POLR3C: variants seen among roughly 807,000 people sequenced by gnomAD.
POLR3C encodes RNA polymerase III subunit C.
In POLR3C, 44 loss-of-function variants were observed where a neutral mutation model predicts 65.9. That is an observed-to-expected ratio of 0.67 (90% CI 0.52 to 0.86). The LOEUF (loss-of-function observed/expected upper bound fraction) is 0.86, where lower values mean the gene tolerates loss of function less well. Ranked by LOEUF, POLR3C falls within the 40% of genes least tolerant of loss-of-function variation. The pLI, the probability that POLR3C is intolerant of heterozygous loss-of-function variation, is 0.00. For missense variants in POLR3C, 576 were observed against 653.2 expected, an observed-to-expected ratio of 0.88 and a Z score of 1.29; for synonymous variants, 263 against 231.6, an observed-to-expected ratio of 1.14 and a Z score of -1.23.
chr1:145,826,487 A>T lies in POLR3C; in HGVS notation c.181A>T (p.Asn61Tyr). ...KKALCVLVQH[N>Y]LVSYQVHKRG... ...AGCCCTGTGTGTCCTCGTCCAACATAACCTGGTGAGTTATCAAGTGCACAA... is the reference window on the plus strand; with the variant it reads ...AGCCCTGTGTGTCCTCGTCCAACATTACCTGGTGAGTTATCAAGTGCACAA... The change falls in exon 3 of 15, where the codon AAC becomes TAC. Residue 61 changes from asparagine (N) to tyrosine (Y), a missense_variant. Asn to Tyr is a moderately radical substitution (Grantham distance 143). Transcript: ENST00000334163. The T allele has an allele frequency of 6.2e-7, 1 of 1,613,688 alleles. No individual in the cohort carries two copies. The highest frequency in any genetic ancestry group is 1.1e-5 in the South Asian group (1 of 91,074).
At position 145,826,983 on chromosome 1, in the gene POLR3C, G is replaced by T; in HGVS notation, c.567G>T (p.Leu189=). 6.2e-7 allele frequency: 1 copy of T among 1,610,692 alleles called. No homozygotes were observed. Among genetic ancestry groups the T allele is most frequent in the South Asian group, 1.1e-5 (1 of 90,300 alleles). ...TCATTAATGAAAAGGACATGTACCT[G>T]GTTCCTAAACTCAGCTTGATAGGTA... ...TLVINEKDMY[L]VPKLSLIGKG... The change falls in exon 4 of 15, where the codon CTG becomes CTT. Residue 189 remains leucine (L), a synonymous_variant. Transcript: ENST00000334163.
At chr1:145,837,965 A>G in intron 10 of POLR3C, 91 bp from the exon 11 acceptor site, 1 of 1,175,990 alleles carries the variant, frequency 8.5e-7, no homozygotes, top group Non-Finnish European at 1.2e-6. Flanking sequence ...TACTGGCTTC[A>G]CACATGGAAT....
intron 10 of POLR3C, 82 bp downstream of exon 10, chr1:145,837,678 T>A (rs1651965612): frequency 3.3e-6 from 3 of 909,200 alleles, no homozygotes; most frequent in Non-Finnish European, 5.5e-6. Context: ...AAGCCACCAA[T>A]ATAACCACAC....
intron 9 of POLR3C, 23 bp downstream of exon 9, chr1:145,836,889 T>C (rs1553728902): frequency 7.1e-7 from 1 of 1,415,846 alleles, no homozygotes; most frequent in East Asian, 2.3e-5. Flanking sequence ...GTTATTTCCT[T>C]AGAGTCAGGC....
intron 5 of POLR3C, 33 bp from the exon 6 acceptor site, chr1:145,833,227 A>G (rs587629200): frequency 7.7e-7 from 1 of 1,296,616 alleles, no homozygotes; most frequent in South Asian, 1.3e-5. Flanking sequence ...ACTTTACACT[A>G]TAGCTAAATG....
intron 5 of POLR3C, among the ~76,000 whole-genome samples, chr1:145,831,030 T>C (rs781810211): frequency 5.3e-5 from 8 of 150,308 alleles, no homozygotes; most frequent in Non-Finnish European, 1.2e-4. Context: ...GCCCAGGAAG[T>C]CAAGGCTTCA....
At chr1:145,832,315 G>A (rs1651401424) in intron 5 of POLR3C, among the ~76,000 whole-genome samples, 1 of 152,166 alleles carries the variant, frequency 6.6e-6, no homozygotes, top group Non-Finnish European at 1.5e-5. Context: ...AAGCTTGGCT[G>A]TGACACTAAG....
At position 145,824,225 on chromosome 1, in the gene POLR3C, C is replaced by T. The variant is rs587725792; in HGVS notation, c.-165C>T. ...AGAGTGGCACGCGCTTTTTGCTTTT[C>T]CGCGTCTTCTTCGGTGGCGATCCGC... On this transcript the variant is annotated 5_prime_UTR_variant, in exon 1 of 15. Coordinates refer to ENST00000334163, the MANE Select transcript of POLR3C (RefSeq NM_006468.8). 13 of 284,496 alleles carry T rather than the reference C, an allele frequency of 4.6e-5. No homozygotes were observed. The highest frequency in any genetic ancestry group is 4.3e-4 in the South Asian group (12 of 28,134). The allele number at this position is 284,496 out of a possible 1,614,324, so 17.6% of individuals were successfully genotyped here. A position where few individuals can be genotyped will look rare whatever the true frequency, so the allele number is the denominator to read the frequency against.
rs1553725985 is a variant in POLR3C at position 145,826,934 on chromosome 1, C to T, written c.518C>T (p.Pro173Leu). The T allele has an allele frequency of 1.9e-6, 3 of 1,613,226 alleles. No individual in the cohort carries two copies. In the Admixed American group the frequency reaches 5.0e-5, roughly 27 times the overall value. Residue 173 changes from proline to leucine, a missense_variant, in exon 4 of 15, where the codon CCA becomes CTA. Transcript: ENST00000334163. ...ACCACTGAGAATTCAGACCCTGGGC[C>T]ACCACCACCTGCCCCCACACTTGTC... is the stretch of plus-strand genomic sequence containing the variant. ...VPTTENSDPG[P>L]PPPAPTLVIN...
rs112343685 is a variant in POLR3C, at chr1:145,843,044, A to G, written c.*624A>G. The stretch of plus-strand genomic sequence containing the variant: ...CTCCCTGTGTTGCCCAGGCTGATGA[A>G]CTGTAATTTTTAACACACACAGTGT... On this transcript the variant is annotated 3_prime_UTR_variant, in exon 15 of 15. Transcript: ENST00000334163. Among the ~76,000 whole-genome samples the G allele has an allele frequency of 0.03, 4,507 of 152,126 alleles. 89 individuals carry two copies. Among genetic ancestry groups the G allele is most frequent in the Non-Finnish European group, 0.045 (3,035 of 67,980 alleles).
chr1:145,826,441 A>G lies in POLR3C; in HGVS notation c.148-13A>G, dbSNP rs1553725741. On this transcript the variant is annotated splice_polypyrimidine_tract_variant and intron_variant, in intron 2 of 14. Transcript: ENST00000334163. ...GGTCTTTCCTCTCTTTCTTCTCTTT[A>G]TGTTCCATTTAGGTGAAGAAAGCCC... The G allele has an allele frequency of 1.2e-6, 2 of 1,611,248 alleles. No homozygotes were observed. The highest frequency in any genetic ancestry group is 1.3e-5 in the African/African-American group (1 of 74,852).
chr1:145,842,267 C>G, intron 14 of POLR3C, 72 bp from the exon 15 acceptor site: 1 of 899,092 alleles, frequency 1.1e-6, no homozygotes, highest in Non-Finnish European at 1.8e-6. Context: ...ATGGCCACAC[C>G]CACCCTAACC....
Position 145,840,912 on chromosome 1 carries a change from T to G in POLR3C, c.1374-10T>G, listed in dbSNP as rs1244220627. ...AGGGAAGATGTCTCAGAGTTGTGTT[T>G]GTTTGACAGGCGTCTACTAGAAAAA... On this transcript the variant is annotated splice_polypyrimidine_tract_variant and intron_variant, in intron 13 of 14. Coordinates refer to ENST00000334163, the MANE Select transcript of POLR3C (RefSeq NM_006468.8). The G allele has an allele frequency of 1.2e-6, 2 of 1,610,746 alleles. No individual in the cohort carries two copies. The highest frequency in any genetic ancestry group is 8.5e-7 in the Non-Finnish European group (1 of 1,177,096).
Position 145,826,578 on chromosome 1 carries a change from A to G in POLR3C, c.272A>G (p.Tyr91Cys), listed in dbSNP as rs782102123. Residue 91 changes from tyrosine to cysteine, a missense_variant, in exon 3 of 15, where the codon TAC (tyrosine) becomes TGC (cysteine). Coordinates refer to ENST00000334163, the MANE Select transcript of POLR3C (RefSeq NM_006468.8). ...RVLRMLRYPR[Y>C]IYTTKTLYSD... is the part of the protein sequence containing the mutation. ...TTGCGAATGCTTAGATATCCCCGGT[A>G]CATCTATACTACCAAAACTCTGTAC... is the stretch of plus-strand genomic sequence containing the variant. 5.0e-6 allele frequency: 8 copies of G among 1,614,038 alleles called. No individual in the cohort carries two copies. Among genetic ancestry groups the G allele is most frequent in the Non-Finnish European group, 6.8e-6 (8 of 1,180,026 alleles).
At chr1:145,834,376 C>T (rs975914576) in intron 7 of POLR3C, among the ~76,000 whole-genome samples, 4 of 152,060 alleles carry the variant, frequency 2.6e-5, no homozygotes, top group Non-Finnish European at 2.9e-5. Context: ...TTATTAAAAA[C>T]CAGTAACAGG....
chr1:145,832,788 G>A (rs966320791), intron 5 of POLR3C, among the ~76,000 whole-genome samples: 3 of 152,116 alleles, frequency 2.0e-5, no homozygotes, highest in African/African-American at 4.8e-5. Flanking sequence ...CTTGGAGTCC[G>A]AGGCAGGCAG....
intron 5 of POLR3C, among the ~76,000 whole-genome samples, chr1:145,830,815 TTG>T (rs1237607168): frequency 2.1e-5 from 3 of 143,356 alleles, no homozygotes; most frequent in African/African-American, 5.1e-5. Context: ...AAAAAAGAAA[TTG>T]GGTTGTCTAG....
Position 145,825,745 on chromosome 1 carries a change from T to G in POLR3C, c.-20-12T>G. 1.3e-6 allele frequency: 2 copies of G among 1,590,986 alleles called. No homozygotes were observed. Among genetic ancestry groups the G allele is most frequent in the Non-Finnish European group, 1.7e-6 (2 of 1,162,702 alleles). On this transcript the variant is annotated splice_polypyrimidine_tract_variant and intron_variant, in intron 1 of 14. Coordinates refer to ENST00000334163, the MANE Select transcript of POLR3C (RefSeq NM_006468.8). ...GACTTTCTATTGTACCATTTTGGTGTTTTTTCCCTAGCTCTCAGACTCCCC... is the reference window on the plus strand; with the variant it reads ...GACTTTCTATTGTACCATTTTGGTGGTTTTTCCCTAGCTCTCAGACTCCCC...
chr1:145,840,084 G>T, intron 12 of POLR3C, 32 bp from the exon 13 acceptor site: 1 of 1,581,752 alleles, frequency 6.3e-7, no homozygotes, highest in Middle Eastern at 1.7e-4. Context: ...ATAGAACTAT[G>T]TGCATTCCTT....
Sources: allele counts gnomAD v4.1 joint callset (sites outside exome capture counted in the v4.1 genomes callset), GRCh38; gene constraint gnomAD v4.1.1; transcripts MANE v1.5; gene names NCBI Gene and HGNC (gene_info 2026-07-23, HGNC 2026-07-21).